Variants in ADGRL2 observed in about 807,000 individuals in gnomAD.
ADGRL2 encodes adhesion G protein-coupled receptor L2, also known as calcium-independent alpha-latrotoxin receptor 2.
In ADGRL2, 44 loss-of-function variants were observed where a neutral mutation model predicts 157.4. The observed-to-expected ratio is 0.28, with a 90% CI of 0.22 to 0.36. The LOEUF is 0.36. Ranked by LOEUF, ADGRL2 falls within the 10% of genes least tolerant of loss-of-function variation. The pLI is 1.00. For synonymous variants in ADGRL2, 585 were observed against 624.7 expected, an observed-to-expected ratio of 0.94 and a Z score of 0.95; for missense variants, 1,510 against 1,768.9, an observed-to-expected ratio of 0.85 and a Z score of 2.63.
chr1:81,460,616 T>C (rs777064260), intron 2 of ADGRL2, among the ~76,000 whole-genome samples: 43 of 152,292 alleles, frequency 2.8e-4, no homozygotes, highest in Admixed American at 1.8e-3. Flanking sequence ...TCGGGCAGCA[T>C]GGCTTGCAGA....
intron 2 of ADGRL2, among the ~76,000 whole-genome samples, chr1:81,467,652 A>G (rs4650552): frequency 0.96 from 145,516 of 152,132 alleles, 69,899 homozygotes; most frequent in East Asian, 1. Context: ...ATGACCAATC[A>G]GTATTATTTT....
chr1:81,703,048 C>A (rs1458315351), intron 1 of ADGRL2, among the ~76,000 whole-genome samples: 1 of 152,260 alleles, frequency 6.6e-6, no homozygotes, highest in East Asian at 1.9e-4. Context: ...GTCAATCGCG[C>A]TGATTAATAC....
intron 2 of ADGRL2, among the ~76,000 whole-genome samples, chr1:81,499,901 T>G (rs1031868857): frequency 1.3e-5 from 2 of 152,164 alleles, no homozygotes; most frequent in Admixed American, 1.3e-4. Flanking sequence ...TGTACATATG[T>G]GTATACACAT....
In ADGRL2 at chr1:81,722,773, G is replaced by A; in HGVS notation, c.-143+22965G>A. On this transcript the variant is annotated intron_variant, in intron 1 of 20. Transcript: ENST00000359929. ...GAAGGCTCAAGAAGAGCATGAGAGA[G>A]CCCGGAGGGAGGAAGAAGCCAGACC... The A allele has an allele frequency of 3.9e-6, 3 of 778,236 alleles. No homozygotes were observed. In the South Asian group the frequency reaches 4.2e-5, roughly 11 times the overall value. The allele number at this position is 778,236 out of a possible 1,614,324, so 48.2% of individuals were successfully genotyped here. A position where few individuals can be genotyped will look rare whatever the true frequency, so the allele number is the denominator to read the frequency against.
At chr1:81,901,015 G>A (rs2094475755) in intron 2 of ADGRL2, among the ~76,000 whole-genome samples, 1 of 152,068 alleles carries the variant, frequency 6.6e-6, no homozygotes, top group Non-Finnish European at 1.5e-5. Context: ...ATACAGCTGA[G>A]GTATTAAAAA....
chr1:81,674,413 T>C (rs943892555), intron 3 of ADGRL2, among the ~76,000 whole-genome samples: 1 of 152,230 alleles, frequency 6.6e-6, no homozygotes, highest in African/African-American at 2.4e-5. Flanking sequence ...CAGTGCATGG[T>C]GCTGTGGGAA....
intron 2 of ADGRL2, among the ~76,000 whole-genome samples, chr1:81,555,997 G>C (rs74673717): frequency 7.0e-6 from 1 of 142,000 alleles, no homozygotes; most frequent in Non-Finnish European, 1.5e-5. Context: ...CTACATTCCT[G>C]AAAAAAAAAA....
intron 1 of ADGRL2, among the ~76,000 whole-genome samples, chr1:81,417,996 C>G (rs1346312678): frequency 2.0e-5 from 3 of 152,136 alleles, no homozygotes; most frequent in Non-Finnish European, 4.4e-5. Context: ...TTGAAAATAA[C>G]TCATAATGAC....
At chr1:81,753,975 C>T (rs543554333) in intron 1 of ADGRL2, among the ~76,000 whole-genome samples, 1 of 152,168 alleles carries the variant, frequency 6.6e-6, no homozygotes, top group African/African-American at 2.4e-5. Context: ...GAGTTGTGGT[C>T]TAAGGAATTT....
At chr1:81,516,998 C>T (rs568724320) in intron 2 of ADGRL2, among the ~76,000 whole-genome samples, 5 of 152,056 alleles carry the variant, frequency 3.3e-5, no homozygotes, top group Non-Finnish European at 5.9e-5. Context: ...ATGCAAGTTA[C>T]TCACTGAAGG....
chr1:81,754,464 C>G (rs1256454392), intron 1 of ADGRL2, among the ~76,000 whole-genome samples: 2 of 136,664 alleles, frequency 1.5e-5, no homozygotes, highest in East Asian at 4.8e-4. Context: ...TCCTCCTCCC[C>G]CTTCTCCCCT....
chr1:81,940,295 A>G (rs1647401410), intron 4 of ADGRL2, among the ~76,000 whole-genome samples: 1 of 151,562 alleles, frequency 6.6e-6, no homozygotes, highest in East Asian at 1.9e-4. Context: ...TTGAGTAGTC[A>G]CAACGCTAAT....
intron 1 of ADGRL2, among the ~76,000 whole-genome samples, chr1:81,712,813 A>G (rs1215764405): frequency 8.0e-6 from 1 of 124,910 alleles, no homozygotes; most frequent in African/African-American, 3.2e-5. Context: ...CCCAGGCTGG[A>G]GTGCAGTGGC....
At chr1:81,860,399 A>G (rs568664128) in intron 2 of ADGRL2, among the ~76,000 whole-genome samples, 6 of 152,182 alleles carry the variant, frequency 3.9e-5, no homozygotes, top group African/African-American at 1.4e-4. Context: ...CTTGTTTTGA[A>G]TTCCTGGCCT....
At chr1:81,847,984 T>A (rs2092856670) in intron 2 of ADGRL2, among the ~76,000 whole-genome samples, 1 of 151,848 alleles carries the variant, frequency 6.6e-6, no homozygotes, top group African/African-American at 2.4e-5. Context: ...ACTTGATTGT[T>A]AACTGGTCAT....
intron 3 of ADGRL2, among the ~76,000 whole-genome samples, chr1:81,676,909 T>A (rs544835544): frequency 5.4e-4 from 81 of 150,794 alleles, no homozygotes; most frequent in Admixed American, 6.6e-4. Context: ...CAGGATGTTC[T>A]CGATCTCCTG....
Position 81,686,108 on chromosome 1 carries a change from G to T in ADGRL2, c.-142-75703G>T, listed in dbSNP as rs549991432. Among the ~76,000 whole-genome samples the T allele has an allele frequency of 2.3e-3, 350 of 152,134 alleles. 2 individuals carry two copies. Among genetic ancestry groups the T allele is most frequent in the African/African-American group, 8.0e-3 (332 of 41,540 alleles). On this transcript the variant is annotated intron_variant, in intron 3 of 24. Coordinates refer to the ADGRL2 transcript ENST00000370721. ...TGGTCTGTAGTTTTCTTTTTTGGTT[G>T]TGTCCTTTCCTGGTTTTGGTATTAG...
At chr1:81,534,993 C>T (rs1352118645) in intron 2 of ADGRL2, among the ~76,000 whole-genome samples, 1 of 152,166 alleles carries the variant, frequency 6.6e-6, no homozygotes, top group Non-Finnish European at 1.5e-5. Context: ...CCCCTACCTC[C>T]CCAACCTCTC....
At chr1:81,836,420 C>T (rs1352509308) in intron 1 of ADGRL2, among the ~76,000 whole-genome samples, 1 of 152,016 alleles carries the variant, frequency 6.6e-6, no homozygotes, top group African/African-American at 2.4e-5. Flanking sequence ...ATTCCTCACA[C>T]GACCTCAGAA....
Sources: allele counts gnomAD v4.1 joint callset (sites outside exome capture counted in the v4.1 genomes callset), GRCh38; gene constraint gnomAD v4.1.1; transcripts MANE v1.5; gene names NCBI Gene and HGNC (gene_info 2026-07-23, HGNC 2026-07-21).